The following SAMD8 variants were observed in gnomAD, a reference collection of about 807,000 sequenced individuals.
SAMD8 encodes the protein sphingomyelin synthase-related protein 1.
SAMD8 carries 20 observed loss-of-function variants against 42.0 expected under a neutral mutation model. The observed-to-expected ratio is 0.48, with a 90% CI of 0.34 to 0.69. The LOEUF is 0.69. Ranked by LOEUF, SAMD8 falls within the 30% of genes least tolerant of loss-of-function variation. The pLI, the probability that SAMD8 is intolerant of heterozygous loss-of-function variation, is 0.01. For synonymous variants in SAMD8, 162 were observed against 173.0 expected, an observed-to-expected ratio of 0.94 and a Z score of 0.50; for missense variants, 328 against 511.6, an observed-to-expected ratio of 0.64 and a Z score of 3.46.
chr10:75,147,698 C>T (rs573928030), intron 1 of SAMD8, among the ~76,000 whole-genome samples: 6 of 152,226 alleles, frequency 3.9e-5, no homozygotes, highest in Middle Eastern at 6.8e-3. Flanking sequence ...ATAGCATGTG[C>T]TTGTTGGATA....
intron 2 of SAMD8, among the ~76,000 whole-genome samples, chr10:75,163,746 C>T (rs1370130156): frequency 6.6e-6 from 1 of 152,142 alleles, no homozygotes; most frequent in Non-Finnish European, 1.5e-5. Flanking sequence ...CCATGCCCAG[C>T]CTCTTTCTTT....
intron 1 of SAMD8, among the ~76,000 whole-genome samples, chr10:75,124,351 G>A (rs942799627): frequency 2.0e-5 from 3 of 152,090 alleles, no homozygotes; most frequent in South Asian, 2.1e-4. Context: ...CATGGCTCAT[G>A]CCTGTAATCC....
At chr10:75,164,181 G>A (rs1564693558) in intron 2 of SAMD8, among the ~76,000 whole-genome samples, 3 of 152,182 alleles carry the variant, frequency 2.0e-5, no homozygotes, top group Admixed American at 2.0e-4. Context: ...TGGCACCACT[G>A]TACTGCAACC....
intron 4 of SAMD8, among the ~76,000 whole-genome samples, chr10:75,173,096 G>A (rs1840907749): frequency 6.6e-6 from 1 of 152,088 alleles, no homozygotes. Context: ...ATCCTTCTAT[G>A]GTATAAACAG....
chr10:75,121,996 T>G (rs1488536380), intron 1 of SAMD8, among the ~76,000 whole-genome samples: 2 of 152,220 alleles, frequency 1.3e-5, no homozygotes, highest in Admixed American at 6.5e-5. Context: ...CCAGCGACTT[T>G]CTTAATTTTC....
intron 1 of SAMD8, among the ~76,000 whole-genome samples, chr10:75,120,888 C>G (rs1848991213): frequency 7.1e-6 from 1 of 141,758 alleles, no homozygotes; most frequent in Non-Finnish European, 1.5e-5. Context: ...TCAAGCGATT[C>G]TCTTGCCTCT....
intron 2 of SAMD8, among the ~76,000 whole-genome samples, chr10:75,156,779 A>G (rs1840419593): frequency 6.6e-6 from 1 of 152,206 alleles, no homozygotes; most frequent in African/African-American, 2.4e-5. Context: ...GGGAAATGTA[A>G]GGGAAATTGA....
rs183701975 is a variant in SAMD8 at position 75,153,588 on chromosome 10, C to T, written c.578+2482C>T. ...GAGATCGCGCCATCGCACTCCAGCC[C>T]GGGTGTCAGAGTGAGACTGTCTCAA... On this transcript the variant is annotated intron_variant, in intron 2 of 5. Transcript: ENST00000542569. 3.5e-3 allele frequency among the ~76,000 whole-genome samples: 524 copies of T among 150,594 alleles called. 2 individuals carry two copies. The highest frequency in any genetic ancestry group is 0.012 in the African/African-American group (484 of 41,056).
intron 1 of SAMD8, among the ~76,000 whole-genome samples, chr10:75,142,584 G>A (rs751811115): frequency 6.6e-6 from 1 of 151,942 alleles, no homozygotes; most frequent in South Asian, 2.1e-4. Context: ...CTATAGGCGC[G>A]TGCCACCACG....
chr10:75,138,966 T>C (rs948786714), intron 1 of SAMD8, among the ~76,000 whole-genome samples: 1 of 96,602 alleles, frequency 1.0e-5, no homozygotes, highest in African/African-American at 4.8e-5. Context: ...TTCTTTTTTT[T>C]TTTTTTTTTT....
At position 75,178,705 on chromosome 10, in the gene SAMD8, C is replaced by G. The variant is rs1269626962; in HGVS notation, c.*2013C>G. Reference sequence around the variant, plus strand: ...AACGCCTATGAATAACCACTGCATTCCAGCCCGGGCAAGGTAGCAAGACCC... The same window carrying G: ...AACGCCTATGAATAACCACTGCATTGCAGCCCGGGCAAGGTAGCAAGACCC... On this transcript the variant is annotated 3_prime_UTR_variant, in exon 6 of 6. Coordinates refer to ENST00000542569, the MANE Select transcript of SAMD8 (RefSeq NM_001174156.2). 6.6e-6 allele frequency: 1 copy of G among 152,114 alleles called. No individual in the cohort carries two copies. The highest frequency in any genetic ancestry group is 1.9e-4 in the East Asian group (1 of 5,168). 9.4% of individuals were successfully genotyped at this position (152,114 alleles called of 1,614,324 possible). A position where few individuals can be genotyped will look rare whatever the true frequency, so the allele number is the denominator to read the frequency against.
chr10:75,124,661 C>A (rs181161934), intron 1 of SAMD8, among the ~76,000 whole-genome samples: 1 of 150,104 alleles, frequency 6.7e-6, no homozygotes, highest in Non-Finnish European at 1.5e-5. Flanking sequence ...GAGAGCAAAA[C>A]GGTACACATA....
intron 1 of SAMD8, among the ~76,000 whole-genome samples, chr10:75,121,072 C>G (rs920353133): frequency 1.3e-5 from 2 of 152,074 alleles, no homozygotes; most frequent in Non-Finnish European, 2.9e-5. Context: ...CCACCACACC[C>G]GGACTTTTGA....
At position 75,168,595 on chromosome 10, in the gene SAMD8, C is replaced by T. The variant is rs758478241; in HGVS notation, c.729C>T (p.Arg243=). Residue 243 remains arginine (R), a synonymous_variant, in exon 4 of 6, where the codon CGC becomes CGT. Coordinates refer to ENST00000542569, the MANE Select transcript of SAMD8 (RefSeq NM_001174156.2). Reference sequence around the variant, plus strand: ...TGATGGGAACTGTATTCTTGCTTCGCTGCTTTACCATGTTTGTGACCTCCC... The same window carrying T: ...TGATGGGAACTGTATTCTTGCTTCGTTGCTTTACCATGTTTGTGACCTCCC... ...CSLMGTVFLL[R]CFTMFVTSLS... is the part of the protein sequence containing the mutation. 1 of 1,614,026 alleles carries T rather than the reference C, an allele frequency of 6.2e-7. No individual in the cohort carries two copies. Among genetic ancestry groups the T allele is most frequent in the Non-Finnish European group, 8.5e-7 (1 of 1,179,950 alleles).
intron 4 of SAMD8, among the ~76,000 whole-genome samples, chr10:75,175,127 G>A (rs1840961420): frequency 6.6e-6 from 1 of 152,172 alleles, no homozygotes. Flanking sequence ...AAGGTAAAAA[G>A]TTAGAAAAGA....
chr10:75,134,302 A>G (rs888739820), intron 1 of SAMD8, among the ~76,000 whole-genome samples: 1 of 152,168 alleles, frequency 6.6e-6, no homozygotes, highest in Admixed American at 6.6e-5. Context: ...TACCTGTATA[A>G]CAAACCTGCA....
At chr10:75,152,497 A>G (rs1353384116) in intron 2 of SAMD8, among the ~76,000 whole-genome samples, 13 of 144,322 alleles carry the variant, frequency 9.0e-5, no homozygotes, top group Non-Finnish European at 1.4e-4. Flanking sequence ...ACTCCAGCCT[A>G]GGCGACAGAG....
At chr10:75,120,795 T>C (rs1338909250) in intron 1 of SAMD8, among the ~76,000 whole-genome samples, 1 of 146,370 alleles carries the variant, frequency 6.8e-6, no homozygotes, top group Non-Finnish European at 1.5e-5. Flanking sequence ...TTTTTTTTTT[T>C]TTTGAGACGA....
chr10:75,160,266 GGCTCACTGCAA>G (rs1564691900), intron 2 of SAMD8, among the ~76,000 whole-genome samples: 1 of 151,814 alleles, frequency 6.6e-6, no homozygotes, highest in Non-Finnish European at 1.5e-5. Flanking sequence ...GCGCGATCTC[GGCTCACTGCAA>G]GCTCCGCCTC....
Sources: allele counts gnomAD v4.1 joint callset (sites outside exome capture counted in the v4.1 genomes callset), GRCh38; gene constraint gnomAD v4.1.1; transcripts MANE v1.5; gene names NCBI Gene and HGNC (gene_info 2026-07-23, HGNC 2026-07-21).